The following XPO6 variants were observed in gnomAD, a reference collection of about 807,000 sequenced individuals.
The protein encoded by XPO6 is exportin-6.
Under a neutral mutation model 130.0 loss-of-function variants are expected in XPO6, and 3 were observed. The observed-to-expected ratio is 0.02, with a 90% CI of 0.01 to 0.06. The LOEUF (loss-of-function observed/expected upper bound fraction) is 0.06. Among genes scored for constraint, XPO6 ranks in the 10% least tolerant of loss-of-function variants. The pLI is 1.00. For missense variants in XPO6, 970 were observed against 1,393.0 expected (o/e 0.70, Z 4.83); for synonymous variants, 524 against 548.9 (o/e 0.95, Z 0.63).
At chr16:28,121,600 A>C in intron 14 of XPO6, 70 bp downstream of exon 14, 1 of 1,169,598 alleles carries the variant, frequency 8.5e-7, no homozygotes, top group Middle Eastern at 1.9e-4. Context: ...CCTTTTTCTC[A>C]ATCAAATTAT....
At chr16:28,167,190 T>C (rs1308800702) in intron 5 of XPO6, 2 of 985,444 alleles carry the variant, frequency 2.0e-6, no homozygotes, top group East Asian at 2.3e-4. Flanking sequence ...CACCAAGCTC[T>C]GCCTCACACG....
rs2086790239 is a variant in XPO6, at chr16:28,106,699, G to A, written c.2498-202C>T. 1.3e-5 allele frequency among the ~76,000 whole-genome samples: 2 copies of A among 152,200 alleles called. No individual in the cohort carries two copies. The highest frequency in any genetic ancestry group is 1.3e-4 in the Admixed American group (2 of 15,276). On this transcript the variant is annotated intron_variant, in intron 18 of 23. Transcript: ENST00000304658. This position sits in a 1 kb window ranked among gnomAD's most constrained non-coding sequence, Gnocchi z 4.2. ...ATGCTGAGAAAATAGTTCTGGTATA[G>A]GGAACCTCCACCTGGTGGCTCACTA...
chr16:28,156,112 G>C lies in XPO6; in HGVS notation c.1059C>G (p.Ala353=), dbSNP rs1490898959. Reference sequence around the variant, plus strand: ...CTTCTAGCCTGCTCTTCACTGTGTGGGCATTGTTATCCTTGGTGATTTTCT... The same window carrying C: ...CTTCTAGCCTGCTCTTCACTGTGTGCGCATTGTTATCCTTGGTGATTTTCT... ...LLQKITKDNN[A]HTVKSRLEEL... is the part of the protein sequence containing the mutation. Residue 353 remains alanine, a synonymous_variant, in exon 7 of 24, where the codon GCC becomes GCG. Transcript: ENST00000304658. The C allele has an allele frequency of 6.2e-7, 1 of 1,612,924 alleles. No homozygotes were observed. The highest frequency in any genetic ancestry group is 1.7e-5 in the Admixed American group (1 of 59,968).
chr16:28,200,070 C>T (rs1029206214), intron 1 of XPO6, among the ~76,000 whole-genome samples: 1 of 151,736 alleles, frequency 6.6e-6, no homozygotes, highest in African/African-American at 2.4e-5. Context: ...GCAGGAGAAT[C>T]GCTTGAATCC....
rs374862154 is a variant in XPO6, at chr16:28,204,205, A to G, written c.3+7161T>C. On this transcript the variant is annotated intron_variant, in intron 1 of 23. Transcript: ENST00000304658. ...GATTCCCTAGCTTTATGGAGCTAACATTTTAGCAGGAGACAACAAAAGACC... is the reference window on the plus strand; with the variant it reads ...GATTCCCTAGCTTTATGGAGCTAACGTTTTAGCAGGAGACAACAAAAGACC... Among the ~76,000 whole-genome samples, 31 of 152,274 alleles carry G rather than the reference A, an allele frequency of 2.0e-4. No individual in the cohort carries two copies. The East Asian group carries it at 5.6e-3, about 28-fold the overall frequency.
intron 15 of XPO6, 118 bp from the exon 16 acceptor site, chr16:28,113,168 C>G (rs961908714): frequency 2.7e-5 from 35 of 1,280,572 alleles, no homozygotes; most frequent in Non-Finnish European, 3.2e-5. Flanking sequence ...ACCACCTAGG[C>G]CCTATCTAGC....
rs1349261036 is a variant in XPO6, at chr16:28,135,227, G to C, written c.1432C>G (p.Leu478Val). 7 of 1,613,614 alleles carry C rather than the reference G, an allele frequency of 4.3e-6. No individual in the cohort carries two copies. Among genetic ancestry groups the C allele is most frequent in the Non-Finnish European group, 5.9e-6 (7 of 1,179,782 alleles). The change falls in exon 10 of 24, where the codon CTG becomes GTG. Residue 478 changes from leucine to valine, a missense_variant. Leu to Val is a conservative substitution (Grantham distance 32). Transcript: ENST00000304658. ...GGCATGCCGCTTACATCGTCATCCA[G>C]AGTCTCATCATCCAACTCCTCCAGC... ...AQLEELDDET[L>V]DDDQQTEWQR...
chr16:28,207,940 T>C (rs2044059806), intron 1 of XPO6, among the ~76,000 whole-genome samples: 1 of 151,816 alleles, frequency 6.6e-6, no homozygotes, highest in South Asian at 2.1e-4. Context: ...AGGTCAGGAG[T>C]TCGAGACCAG....
In XPO6 at chr16:28,210,058, G is replaced by A. The variant is rs190285812; in HGVS notation, c.3+1308C>T. Among the ~76,000 whole-genome samples the A allele has an allele frequency of 1.9e-3, 288 of 152,266 alleles. 1 individual carries two copies. The highest frequency in any genetic ancestry group is 2.3e-3 in the Non-Finnish European group (159 of 68,018). ...GTGGGAGGACTGCTTGAGCCCAGGA[G>A]GTCGAGGCTGCAGTGAGCCATGAAC... On this transcript the variant is annotated intron_variant, in intron 1 of 23. Coordinates refer to ENST00000304658, the MANE Select transcript of XPO6 (RefSeq NM_015171.4).
At position 28,135,343 on chromosome 16, in the gene XPO6, T is replaced by C. The variant is rs2042754989; in HGVS notation, c.1335-19A>G. ...TTCGTACCTATGTGGCAGGGAGAAA[T>C]TCAACATTGAAAGGAGGCTTTCAGC... On this transcript the variant is annotated intron_variant, in intron 9 of 23. Transcript: ENST00000304658. 6.2e-7 allele frequency: 1 copy of C among 1,606,944 alleles called. No individual in the cohort carries two copies. Among genetic ancestry groups the C allele is most frequent in the Non-Finnish European group, 8.5e-7 (1 of 1,174,252 alleles).
intron 12 of XPO6, among the ~76,000 whole-genome samples, 169 bp from the exon 13 acceptor site, chr16:28,126,017 G>A (rs1567606596): frequency 6.6e-6 from 1 of 151,772 alleles, no homozygotes; most frequent in Admixed American, 6.5e-5. Context: ...AACTGGGCCC[G>A]GTATCCACCT....
At position 28,211,924 on chromosome 16, in the gene XPO6, C is replaced by T. The variant is rs1438922749; in HGVS notation, c.-556G>A. 6.5e-6 allele frequency: 1 copy of T among 152,976 alleles called. No homozygotes were observed. Among genetic ancestry groups the T allele is most frequent in the African/African-American group, 2.4e-5 (1 of 41,456 alleles). 9.5% of individuals were successfully genotyped at this position (152,976 alleles called of 1,614,324 possible). A position where few individuals can be genotyped will look rare whatever the true frequency, so the allele number is the denominator to read the frequency against. ...CCGCCCTGGAGCCGCCCGCTAGTAC[C>T]GCGCGGCCGCCCCCGACCAACAGCC... On this transcript the variant is annotated 5_prime_UTR_variant, in exon 1 of 24. Transcript: ENST00000304658.
chr16:28,128,838 G>T (rs1044308638), intron 12 of XPO6, among the ~76,000 whole-genome samples: 1 of 152,164 alleles, frequency 6.6e-6, no homozygotes, highest in African/African-American at 2.4e-5. Context: ...ACTCCTTGAG[G>T]GTAGAACACA....
chr16:28,166,922 C>A (rs2043366142), intron 5 of XPO6: 1 of 751,744 alleles, frequency 1.3e-6, no homozygotes, highest in Admixed American at 6.2e-5. Flanking sequence ...TTGCCTAAAC[C>A]CTTCTCTGAG....
At chr16:28,139,957 C>A (rs145638400) in intron 9 of XPO6, among the ~76,000 whole-genome samples, 2 of 152,188 alleles carry the variant, frequency 1.3e-5, no homozygotes, top group Non-Finnish European at 2.9e-5. Context: ...ACAGGCTGGG[C>A]GCAGTGGCTC....
intron 14 of XPO6, 93 bp from the exon 15 acceptor site, chr16:28,117,555 C>T (rs1323419552): frequency 7.0e-7 from 1 of 1,438,146 alleles, no homozygotes; most frequent in Non-Finnish European, 9.4e-7. Context: ...ATTGCATCCA[C>T]TGCATTTGCT....
At chr16:28,195,078 C>G (rs2043838745) in intron 1 of XPO6, among the ~76,000 whole-genome samples, 1 of 151,842 alleles carries the variant, frequency 6.6e-6, no homozygotes, top group Non-Finnish European at 1.5e-5. Flanking sequence ...CAACATGACA[C>G]CGACCATAAT....
chr16:28,142,699 T>C (rs9926102), intron 9 of XPO6, among the ~76,000 whole-genome samples: 2,424 of 152,174 alleles, frequency 0.016, 35 homozygotes, highest in African/African-American at 0.047. Context: ...GCCTCCTGAG[T>C]AGCCGGGACT....
chr16:28,152,379 C>T (rs538822313), intron 8 of XPO6, among the ~76,000 whole-genome samples: 1 of 152,276 alleles, frequency 6.6e-6, no homozygotes, highest in East Asian at 1.9e-4. Context: ...GTCAAGAGCC[C>T]TGACTCTGGG....
Sources: gnomAD v4.1 joint callset for allele counts (sites outside exome capture counted in the v4.1 genomes callset) on GRCh38, gnomAD v4.1.1 for gene constraint, Gnocchi (gnomAD v3.1) non-coding constraint, MANE v1.5 for transcripts, NCBI Gene and HGNC (gene_info 2026-07-23, HGNC 2026-07-21) for gene names.